CHRM2: variants seen among roughly 807,000 people sequenced by gnomAD.
CHRM2 encodes muscarinic acetylcholine receptor M2.
In CHRM2, 8 loss-of-function variants were observed where a neutral mutation model predicts 25.0. The ratio of observed to expected loss-of-function variants is 0.32; its 90% confidence interval spans 0.19 to 0.58. The LOEUF is 0.58. CHRM2 is among the 20% of genes least tolerant of loss of function. The pLI is 0.88. For missense variants in CHRM2, 440 were observed against 567.1 expected, an observed-to-expected ratio of 0.78 and a Z score of 2.28; for synonymous variants, 202 against 205.7, an observed-to-expected ratio of 0.98 and a Z score of 0.15.
At chr7:136,971,097 G>T (rs1801737864) in intron 2 of CHRM2, among the ~76,000 whole-genome samples, 1 of 152,142 alleles carries the variant, frequency 6.6e-6, no homozygotes, top group African/African-American at 2.4e-5. Context: ...GCCAATTGCT[G>T]AAATCTGGCA....
chr7:136,869,140 G>C lies in CHRM2; in HGVS notation c.-282-121G>C, dbSNP rs1275481306. ...GGGGTGCGTGACTCTGCCTGCGCGC[G>C]CGCCAGCCCCGCAGCTCTCGCCAGA... On this transcript the variant is annotated intron_variant, in intron 1 of 3. Transcript: ENST00000680005. This position sits in a 1 kb window ranked among gnomAD's most constrained non-coding sequence, Gnocchi z 4.9. The C allele has an allele frequency of 6.6e-6, 1 of 152,284 alleles. No individual in the cohort carries two copies. The highest frequency in any genetic ancestry group is 1.5e-5 in the Non-Finnish European group (1 of 68,156). 9.4% of individuals were successfully genotyped at this position (152,284 alleles called of 1,614,324 possible).
intron 2 of CHRM2, among the ~76,000 whole-genome samples, chr7:136,954,051 T>A (rs1181682609): frequency 1.3e-5 from 2 of 152,148 alleles, no homozygotes; most frequent in Non-Finnish European, 2.9e-5. Flanking sequence ...AGGGCTCAGA[T>A]GCTTATATCA....
At chr7:136,892,129 G>T (rs1563048958) in intron 2 of CHRM2, among the ~76,000 whole-genome samples, 1 of 152,190 alleles carries the variant, frequency 6.6e-6, no homozygotes, top group Non-Finnish European at 1.5e-5. Flanking sequence ...GAAAGACAAG[G>T]AAAGAGGTGC....
chr7:136,929,264 TTTTC>T (rs1314406389), intron 2 of CHRM2, among the ~76,000 whole-genome samples: 2 of 144,798 alleles, frequency 1.4e-5, no homozygotes, highest in East Asian at 1.9e-4. Flanking sequence ...CATTTTTTTC[TTTTC>T]TTTCTTTTTT....
At chr7:136,983,239 T>C (rs1385864111) in intron 2 of CHRM2, among the ~76,000 whole-genome samples, 1 of 152,220 alleles carries the variant, frequency 6.6e-6, no homozygotes, top group African/African-American at 2.4e-5. Flanking sequence ...AATTCAGCTA[T>C]TCATACTTGT....
At chr7:136,873,047 T>G (rs1269595002) in intron 2 of CHRM2, among the ~76,000 whole-genome samples, 1 of 152,222 alleles carries the variant, frequency 6.6e-6, no homozygotes. Context: ...TTTCTTTATT[T>G]AAACTTATAT....
At chr7:136,900,453 C>T (rs1054767900) in intron 2 of CHRM2, among the ~76,000 whole-genome samples, 2 of 152,036 alleles carry the variant, frequency 1.3e-5, no homozygotes, top group Admixed American at 6.6e-5. Context: ...TAGCTTGGAG[C>T]AGCAGCATCT....
chr7:136,950,804 T>TTGA lies in CHRM2; in HGVS notation c.-124-41381_-124-41380insATG, dbSNP rs1475287484. On this transcript the variant is annotated intron_variant, in intron 2 of 3. Coordinates refer to ENST00000680005, the MANE Select transcript of CHRM2 (RefSeq NM_001006630.2). ...CAACCTGTTGTTGTTGTTGTTGTTG[T>TTGA]TGTTGTTGTTGTTGTTGTTGTTGTT... Among the ~76,000 whole-genome samples, 16 of 151,050 alleles carry TTGA rather than the reference T, an allele frequency of 1.1e-4. 4 individuals carry two copies. Among genetic ancestry groups the TTGA allele is most frequent in the Middle Eastern group, 6.9e-3 (2 of 290 alleles).
intron 3 of CHRM2, among the ~76,000 whole-genome samples, chr7:136,997,392 T>C (rs916640885): frequency 6.6e-6 from 1 of 152,218 alleles, no homozygotes; most frequent in Non-Finnish European, 1.5e-5. Flanking sequence ...TCAGGTAAAG[T>C]GGATGGCCCT....
rs147608295 is a variant in CHRM2 at position 136,980,712 on chromosome 7, G to A, written c.-124-11475G>A. ...TCTATTGAGATAATAATGTGGTTTT[G>A]TCATTGGTTCTGTTTATGAGATGGA... is the stretch of plus-strand genomic sequence containing the variant. On this transcript the variant is annotated intron_variant, in intron 2 of 3. Transcript: ENST00000680005. Among the ~76,000 whole-genome samples the A allele has an allele frequency of 5.2e-3, 797 of 152,258 alleles. 26 individuals are homozygous for A. The highest frequency in any genetic ancestry group is 0.042 in the Admixed American group (643 of 15,294).
chr7:136,978,973 G>C (rs1355562773), intron 2 of CHRM2, among the ~76,000 whole-genome samples: 9 of 152,074 alleles, frequency 5.9e-5, no homozygotes, highest in Non-Finnish European at 8.8e-5. Flanking sequence ...CCCAATAATG[G>C]GACTGCTGGG....
rs76867571 is a variant in CHRM2, at chr7:136,967,631, T to C, written c.-124-24556T>C. Among the ~76,000 whole-genome samples the C allele has an allele frequency of 8.1e-3, 1,226 of 152,186 alleles. 17 individuals carry two copies. The highest frequency in any genetic ancestry group is 0.028 in the African/African-American group (1,182 of 41,566). On this transcript the variant is annotated intron_variant, in intron 2 of 3. Coordinates refer to ENST00000680005, the MANE Select transcript of CHRM2 (RefSeq NM_001006630.2). ...TTCCAACTTGAGGACTGTAATTTTA[T>C]TTGGATCTAGAAATGTTTTCATTTT...
chr7:136,918,401 AGTT>A (rs1798241081), intron 2 of CHRM2, among the ~76,000 whole-genome samples: 1 of 152,134 alleles, frequency 6.6e-6, no homozygotes, highest in Non-Finnish European at 1.5e-5. Flanking sequence ...AGCAGTAAAA[AGTT>A]AGGTGACTGA....
At chr7:136,900,863 T>C (rs1250888765) in intron 2 of CHRM2, among the ~76,000 whole-genome samples, 2 of 152,002 alleles carry the variant, frequency 1.3e-5, no homozygotes, top group African/African-American at 2.4e-5. Flanking sequence ...CAGTGGCATA[T>C]AGACGTCAGC....
chr7:136,878,125 T>C (rs1320375739), intron 2 of CHRM2, among the ~76,000 whole-genome samples: 9 of 151,994 alleles, frequency 5.9e-5, no homozygotes. Flanking sequence ...ATAACCAGCA[T>C]GAAAATAGAA....
chr7:137,016,056 C>T lies in CHRM2; in HGVS notation c.1191C>T (p.Ile397=), dbSNP rs1217957423. The T allele has an allele frequency of 1.2e-6, 2 of 1,612,754 alleles. No individual in the cohort carries two copies. Among genetic ancestry groups the T allele is most frequent in the East Asian group, 2.2e-5 (1 of 44,772 alleles). Residue 397 remains isoleucine, a synonymous_variant, in exon 4 of 4, where the codon ATC becomes ATT. Transcript: ENST00000680005. ...TCTTGGCTATTCTGTTGGCTTTCAT[C>T]ATCACTTGGGCCCCATACAATGTCA... ...RTILAILLAF[I]ITWAPYNVMV...
chr7:136,931,673 C>G (rs887741542), intron 2 of CHRM2, among the ~76,000 whole-genome samples: 1 of 152,200 alleles, frequency 6.6e-6, no homozygotes, highest in Admixed American at 6.5e-5. Flanking sequence ...CTGTATAGTA[C>G]TCTCCTTTGG....
At chr7:136,906,345 T>C (rs1422868643) in intron 2 of CHRM2, among the ~76,000 whole-genome samples, 1 of 151,040 alleles carries the variant, frequency 6.6e-6, no homozygotes, top group African/African-American at 2.4e-5. Context: ...TGTATATATA[T>C]GCATATGTTA....
chr7:136,889,302 G>GT (rs1370497569), intron 2 of CHRM2, among the ~76,000 whole-genome samples: 2 of 152,084 alleles, frequency 1.3e-5, no homozygotes, highest in Admixed American at 6.5e-5. Context: ...CACTTCTTAT[G>GT]TAAGGGTCAT....
Sources: allele counts gnomAD v4.1 joint callset (sites outside exome capture counted in the v4.1 genomes callset), GRCh38; gene constraint gnomAD v4.1.1; non-coding constraint Gnocchi (gnomAD v3.1); transcripts MANE v1.5; gene names NCBI Gene and HGNC (gene_info 2026-07-23, HGNC 2026-07-21).